The following ESR1 variants were observed in gnomAD, a reference collection of about 807,000 sequenced individuals.
ESR1 encodes the protein estrogen receptor.
ESR1 carries 12 observed loss-of-function variants against 52.7 expected under a neutral mutation model. That is an observed-to-expected ratio of 0.23 (90% CI 0.15 to 0.37). ESR1 has a LOEUF of 0.37. Ranked by LOEUF, ESR1 falls within the 10% of genes least tolerant of loss-of-function variation. The pLI is 1.00. For synonymous variants in ESR1, 305 were observed against 316.8 expected, an observed-to-expected ratio of 0.96 and a Z score of 0.39; for missense variants, 584 against 779.7, an observed-to-expected ratio of 0.75 and a Z score of 2.99.
chr6:151,858,323 A>G (rs370508366), intron 2 of ESR1, among the ~76,000 whole-genome samples: 78 of 152,340 alleles, frequency 5.1e-4, no homozygotes, highest in Non-Finnish European at 8.7e-4. Flanking sequence ...CAGCAAGGGT[A>G]AAATATTTCA....
At chr6:152,125,124 A>G (rs1562839692) in intron 6 of ESR1, 3 of 910,384 alleles carry the variant, frequency 3.3e-6, no homozygotes, top group Non-Finnish European at 4.6e-6. Flanking sequence ...GACTTGCTTC[A>G]GATTCTACAG....
At chr6:151,935,414 C>A (rs186037798) in intron 3 of ESR1, among the ~76,000 whole-genome samples, 39 of 152,354 alleles carry the variant, frequency 2.6e-4, no homozygotes, top group Non-Finnish European at 7.3e-5. Flanking sequence ...GCCTTGGGGG[C>A]AGCCTGGCAG....
chr6:151,966,312 T>G (rs1208904546), intron 4 of ESR1, among the ~76,000 whole-genome samples: 2 of 152,202 alleles, frequency 1.3e-5, no homozygotes, highest in African/African-American at 4.8e-5. Context: ...GAGAAAATAT[T>G]ACTTATCTTC....
At chr6:151,818,461 T>A (rs2128184057) in intron 1 of ESR1, among the ~76,000 whole-genome samples, 1 of 152,292 alleles carries the variant, frequency 6.6e-6, no homozygotes, top group Admixed American at 6.5e-5. Context: ...TGCTTTTCTA[T>A]CAAGAGTCCA....
At chr6:151,749,345 T>G (rs760057382) in intron 2 of ESR1, among the ~76,000 whole-genome samples, 10 of 146,376 alleles carry the variant, frequency 6.8e-5, no homozygotes, top group Non-Finnish European at 1.6e-4. Context: ...TTTTGACACA[T>G]GTGTGCATTG....
intron 1 of ESR1, among the ~76,000 whole-genome samples, chr6:151,842,164 T>C (rs1187936706): frequency 1.3e-5 from 2 of 152,246 alleles, no homozygotes; most frequent in African/African-American, 2.4e-5. Context: ...TGTTCTGTGT[T>C]GTCCATCAGT....
At chr6:151,748,582 T>C (rs1404321512) in intron 2 of ESR1, among the ~76,000 whole-genome samples, 5 of 152,188 alleles carry the variant, frequency 3.3e-5, no homozygotes, top group African/African-American at 1.2e-4. Context: ...TTTGTGAAGA[T>C]ATTCACAGGA....
chr6:151,800,863 C>T (rs1777168744), upstream of ESR1, among the ~76,000 whole-genome samples: 1 of 152,082 alleles, frequency 6.6e-6, no homozygotes, highest in South Asian at 2.1e-4. Context: ...GAGGAGCTCT[C>T]GCAAACATGG....
chr6:152,080,014 T>A, intron 6 of ESR1, among the ~76,000 whole-genome samples: 1 of 152,182 alleles, frequency 6.6e-6, no homozygotes, highest in East Asian at 1.9e-4. Flanking sequence ...AATATATGTT[T>A]CATTGGTGTA....
At chr6:152,046,889 T>C (rs147733543) in intron 5 of ESR1, among the ~76,000 whole-genome samples, 45 of 152,352 alleles carry the variant, frequency 3.0e-4, no homozygotes, top group African/African-American at 1.0e-3. Flanking sequence ...TACTTTGTCA[T>C]TGCAAGTTTC....
At chr6:151,708,021 T>C (rs1780312669) in intron 2 of ESR1, among the ~76,000 whole-genome samples, 1 of 152,162 alleles carries the variant, frequency 6.6e-6, no homozygotes, top group South Asian at 2.1e-4. Context: ...TTTCTTGTTC[T>C]GTACCCCTTC....
intron 1 of ESR1, among the ~76,000 whole-genome samples, chr6:151,674,479 C>T (rs1245897379): frequency 6.6e-6 from 1 of 152,160 alleles, no homozygotes; most frequent in African/African-American, 2.4e-5. Context: ...GTAAATAGTG[C>T]TGCAATAAAC....
intron 2 of ESR1, among the ~76,000 whole-genome samples, chr6:151,745,006 G>C (rs1431257603): frequency 1.3e-5 from 2 of 152,114 alleles, no homozygotes; most frequent in Non-Finnish European, 2.9e-5. Flanking sequence ...TGTTGAAGTA[G>C]CCTCCTCACA....
chr6:152,032,396 C>T (rs192861125), intron 5 of ESR1, among the ~76,000 whole-genome samples: 73 of 152,266 alleles, frequency 4.8e-4, no homozygotes, highest in African/African-American at 1.7e-3. Context: ...AAAACTCCAT[C>T]GTCTCAGCGC....
At chr6:152,093,268 C>G (rs1462134506) in intron 6 of ESR1, among the ~76,000 whole-genome samples, 1 of 148,674 alleles carries the variant, frequency 6.7e-6, no homozygotes, top group Non-Finnish European at 1.5e-5. Flanking sequence ...GAGTGAGACT[C>G]TGTCTCAAAA....
intron 2 of ESR1, among the ~76,000 whole-genome samples, chr6:151,786,364 C>T (rs574062058): frequency 4.6e-5 from 7 of 152,286 alleles, no homozygotes; most frequent in South Asian, 2.1e-4. Context: ...GTTTCAAGCA[C>T]GCTGCAGGGC....
intron 3 of ESR1, among the ~76,000 whole-genome samples, chr6:151,914,928 A>G (rs1290579527): frequency 6.6e-6 from 1 of 152,130 alleles, no homozygotes; most frequent in Non-Finnish European, 1.5e-5. Context: ...GTACTACATG[A>G]ATAGTTAACT....
chr6:151,823,790 A>G (rs974290627), intron 1 of ESR1, among the ~76,000 whole-genome samples: 14 of 152,208 alleles, frequency 9.2e-5, no homozygotes, highest in African/African-American at 3.4e-4. Context: ...GTCCCTACAA[A>G]GAACATGAAC....
intron 2 of ESR1, among the ~76,000 whole-genome samples, chr6:151,864,964 G>T (rs1406513770): frequency 6.7e-6 from 1 of 149,910 alleles, no homozygotes; most frequent in Admixed American, 6.6e-5. Flanking sequence ...GGGAGGGATA[G>T]CATTAGGAGA....
Sources: gnomAD v4.1 joint callset for allele counts (sites outside exome capture counted in the v4.1 genomes callset) on GRCh38, gnomAD v4.1.1 for gene constraint, MANE v1.5 for transcripts, NCBI Gene and HGNC (gene_info 2026-07-23, HGNC 2026-07-21) for gene names.